Variants in RSRC1 observed in about 807,000 individuals in gnomAD.
RSRC1 encodes the protein arginine and serine rich coiled-coil 1, also known as serine/Arginine-related protein 53.
A neutral mutation model predicts 49.1 loss-of-function variants in RSRC1; 39 were observed. The observed-to-expected ratio is 0.79, with a 90% confidence interval of 0.61 to 1.04. RSRC1 has a LOEUF of 1.04. Ranked by LOEUF, RSRC1 falls within the 50% of genes least tolerant of loss-of-function variation. The pLI is 0.00. For missense variants in RSRC1, 388 were observed against 402.4 expected (o/e 0.96, Z 0.31); for synonymous variants, 143 against 130.8 (o/e 1.09, Z -0.63).
intron 7 of RSRC1, among the ~76,000 whole-genome samples, chr3:158,518,142 A>AT (rs1317080299): frequency 6.7e-5 from 5 of 74,594 alleles, no homozygotes; most frequent in Non-Finnish European, 1.1e-4. Flanking sequence ...ATATATATAT[A>AT]TATATATTTT....
At chr3:158,385,195 G>A (rs1387407603) in intron 6 of RSRC1, among the ~76,000 whole-genome samples, 1 of 152,068 alleles carries the variant, frequency 6.6e-6, no homozygotes, top group Non-Finnish European at 1.5e-5. Flanking sequence ...AATTGTGCCA[G>A]GCCCTATGCT....
chr3:158,272,530 A>T (rs1022234090), intron 4 of RSRC1, among the ~76,000 whole-genome samples: 1 of 152,038 alleles, frequency 6.6e-6, no homozygotes, highest in African/African-American at 2.4e-5. Context: ...TTTGGAGTTT[A>T]TTCTTTGTGT....
intron 4 of RSRC1, among the ~76,000 whole-genome samples, chr3:158,208,908 C>T (rs1337439807): frequency 2.6e-5 from 4 of 152,212 alleles, no homozygotes; most frequent in African/African-American, 9.6e-5. Flanking sequence ...TATTATTGGA[C>T]CTTCTTTACC....
chr3:158,538,824 C>G (rs1209251183), intron 8 of RSRC1, among the ~76,000 whole-genome samples: 1 of 151,958 alleles, frequency 6.6e-6, no homozygotes, highest in African/African-American at 2.4e-5. Flanking sequence ...TTATTAGTCA[C>G]TACACTTCAA....
At chr3:158,474,082 A>G (rs1433650040) in intron 7 of RSRC1, among the ~76,000 whole-genome samples, 2 of 152,166 alleles carry the variant, frequency 1.3e-5, no homozygotes, top group Non-Finnish European at 2.9e-5. Context: ...CCCTTGTAGC[A>G]CTATTTTTCA....
chr3:158,523,066 A>C (rs961069198), intron 7 of RSRC1, among the ~76,000 whole-genome samples: 1 of 152,128 alleles, frequency 6.6e-6, no homozygotes, highest in African/African-American at 2.4e-5. Flanking sequence ...AGCAGTATCT[A>C]TTTGTGAGCA....
intron 7 of RSRC1, among the ~76,000 whole-genome samples, chr3:158,467,925 T>G (rs1167715282): frequency 6.6e-6 from 1 of 152,202 alleles, no homozygotes; most frequent in African/African-American, 2.4e-5. Context: ...ATTATTACTA[T>G]TACCTGTGAG....
chr3:158,458,034 C>A (rs1028832726), intron 6 of RSRC1, among the ~76,000 whole-genome samples: 1 of 151,948 alleles, frequency 6.6e-6, no homozygotes, highest in Admixed American at 6.6e-5. Context: ...GGTTTACTTT[C>A]CAAAACAAGC....
chr3:158,207,662 T>TAGATAGATAGATAGAC (rs55689613), intron 4 of RSRC1, among the ~76,000 whole-genome samples: 12,060 of 148,900 alleles, frequency 0.081, 544 homozygotes, highest in East Asian at 0.1. Flanking sequence ...GATAGATAGA[T>TAGATAGATAGATAGAC]AGACAGAGAG....
chr3:158,404,829 C>G (rs1159906419), intron 6 of RSRC1, among the ~76,000 whole-genome samples: 2 of 151,938 alleles, frequency 1.3e-5, no homozygotes, highest in African/African-American at 2.4e-5. Flanking sequence ...TCAATTTGTT[C>G]CATTTGTCCT....
At chr3:158,339,296 C>A (rs1730096952) in intron 5 of RSRC1, among the ~76,000 whole-genome samples, 1 of 72,278 alleles carries the variant, frequency 1.4e-5, no homozygotes, top group Non-Finnish European at 2.4e-5. Context: ...GAGACTCCGT[C>A]TCAAAAAAAA....
At chr3:158,439,066 CTCA>C (rs551252938) in intron 6 of RSRC1, among the ~76,000 whole-genome samples, 1,676 of 152,178 alleles carry the variant, frequency 0.011, 15 homozygotes, top group Middle Eastern at 0.02. Flanking sequence ...TGAAAAAATG[CTCA>C]TCATCACTGG....
intron 4 of RSRC1, among the ~76,000 whole-genome samples, chr3:158,233,743 A>T (rs181210638): frequency 1.3e-5 from 2 of 152,240 alleles, no homozygotes; most frequent in Non-Finnish European, 2.9e-5. Flanking sequence ...TATGCAAATG[A>T]GTTTGATTTA....
chr3:158,321,952 A>G (rs941037781), intron 5 of RSRC1, among the ~76,000 whole-genome samples: 1 of 147,144 alleles, frequency 6.8e-6, no homozygotes, highest in Admixed American at 7.0e-5. Context: ...TAAAGAAATT[A>G]AGAGAAGAAA....
rs761078667 is a variant in RSRC1, at chr3:158,544,287, A to G, written c.*12A>G. On this transcript the variant is annotated 3_prime_UTR_variant, in exon 10 of 10. Coordinates refer to ENST00000611884, the MANE Select transcript of RSRC1 (RefSeq NM_001271838.2). ...GTCCTGTGGCCTAAGTAATATACATATAGTTGGATTGGATTGTCAGCAGTA... is the reference window on the plus strand; with the variant it reads ...GTCCTGTGGCCTAAGTAATATACATGTAGTTGGATTGGATTGTCAGCAGTA... 21 of 1,515,616 alleles carry G rather than the reference A, an allele frequency of 1.4e-5. No individual in the cohort carries two copies. The highest frequency in any genetic ancestry group is 1.9e-5 in the Non-Finnish European group (21 of 1,103,802). The allele number at this position is 1,515,616 out of a possible 1,614,324, so 93.9% of individuals were successfully genotyped here.
chr3:158,494,559 T>C (rs958781387), intron 7 of RSRC1, among the ~76,000 whole-genome samples: 5 of 152,256 alleles, frequency 3.3e-5, no homozygotes, highest in African/African-American at 7.2e-5. Context: ...TTTTACTTTA[T>C]AAACTTTAAA....
chr3:158,312,479 A>G (rs1300263001), intron 5 of RSRC1, among the ~76,000 whole-genome samples: 2 of 152,176 alleles, frequency 1.3e-5, no homozygotes, highest in African/African-American at 4.8e-5. Context: ...TAAATAGAAG[A>G]AGCAGGTGCC....
chr3:158,495,430 A>G (rs1483542809), intron 7 of RSRC1, among the ~76,000 whole-genome samples: 1 of 152,026 alleles, frequency 6.6e-6, no homozygotes, highest in Non-Finnish European at 1.5e-5. Context: ...GACTACAGGC[A>G]TGTGCCATCA....
chr3:158,379,278 G>A (rs1732561353), intron 6 of RSRC1, among the ~76,000 whole-genome samples: 1 of 138,168 alleles, frequency 7.2e-6, no homozygotes, highest in South Asian at 2.3e-4. Context: ...TCAGCTCACT[G>A]CAAGCTCCGC....
Sources: allele counts gnomAD v4.1 joint callset (sites outside exome capture counted in the v4.1 genomes callset), GRCh38; gene constraint gnomAD v4.1.1; transcripts MANE v1.5; gene names NCBI Gene and HGNC (gene_info 2026-07-23, HGNC 2026-07-21).